Variants in UBE3C observed in about 807,000 individuals in gnomAD.
The protein encoded by UBE3C is ubiquitin protein ligase E3C.
Under a neutral mutation model 129.4 loss-of-function variants are expected in UBE3C, and 42 were observed. That is an observed-to-expected ratio of 0.32 (90% CI 0.25 to 0.42). The LOEUF is 0.42. Ranked by LOEUF, UBE3C falls within the 10% of genes least tolerant of loss-of-function variation. The pLI is 1.00. For synonymous variants in UBE3C, 510 were observed against 492.4 expected (o/e 1.04, Z -0.47); for missense variants, 1,049 against 1,319.1 (o/e 0.80, Z 3.17).
At chr7:157,187,815 A>T (rs1326108779) in intron 10 of UBE3C, among the ~76,000 whole-genome samples, 1 of 151,980 alleles carries the variant, frequency 6.6e-6, no homozygotes, top group African/African-American at 2.4e-5. Flanking sequence ...TGACCTTGTG[A>T]TCCGCCTGCC....
At chr7:157,258,835 A>G (rs1796825234) in intron 22 of UBE3C, among the ~76,000 whole-genome samples, 1 of 152,210 alleles carries the variant, frequency 6.6e-6, no homozygotes, top group Non-Finnish European at 1.5e-5. Flanking sequence ...AAATGTATAG[A>G]AAAGTTGTGA....
chr7:157,256,836 T>C (rs1182373), intron 21 of UBE3C, 78 bp from the exon 22 acceptor site: 9 of 1,584,084 alleles, frequency 5.7e-6, no homozygotes, highest in Non-Finnish European at 7.7e-6. Context: ...TTTCCGTGGG[T>C]GTCTGGACCA....
intron 11 of UBE3C, among the ~76,000 whole-genome samples, chr7:157,206,391 T>C (rs886291381): frequency 6.6e-6 from 1 of 152,036 alleles, no homozygotes; most frequent in African/African-American, 2.4e-5. Flanking sequence ...GCCTCCCAAG[T>C]AGCTGGGATT....
rs556847111 is a variant in UBE3C, at chr7:157,192,286, G to T, written c.1331+5265G>T. The T allele has an allele frequency of 2.1e-3, 849 of 410,740 alleles. 3 individuals are homozygous for T. The highest frequency in any genetic ancestry group is 2.6e-3 in the Non-Finnish European group (575 of 220,620). 25.4% of individuals were successfully genotyped at this position (410,740 alleles called of 1,614,324 possible). On this transcript the variant is annotated intron_variant, in intron 10 of 22. Coordinates refer to ENST00000348165, the MANE Select transcript of UBE3C (RefSeq NM_014671.3). ...TCTAAATCCCTACCACGTTTTTAAA[G>T]TTTTCTTTTAAGCTTGTTAAGAAAT...
At position 157,209,962 on chromosome 7, in the gene UBE3C, C is replaced by T. The variant is rs375669997; in HGVS notation, c.1809+2027C>T. 5.9e-5 allele frequency among the ~76,000 whole-genome samples: 9 copies of T among 152,288 alleles called. No individual in the cohort carries two copies. In the East Asian group the frequency reaches 7.7e-4, roughly 13 times the overall value. On this transcript the variant is annotated intron_variant, in intron 13 of 22. Transcript: ENST00000348165. ...TTGGGAGGCCAAGGCGGGTGGATCACGAGGTCAGGAGTTTGAGACCAGCCT... is the reference window on the plus strand; with the variant it reads ...TTGGGAGGCCAAGGCGGGTGGATCATGAGGTCAGGAGTTTGAGACCAGCCT...
At chr7:157,259,619 G>A (rs1337878106) in intron 22 of UBE3C, among the ~76,000 whole-genome samples, 1 of 152,182 alleles carries the variant, frequency 6.6e-6, no homozygotes, top group Non-Finnish European at 1.5e-5. Flanking sequence ...AACGAAGCAA[G>A]ACACAAGACT....
chr7:157,151,161 G>A (rs1373949675), intron 1 of UBE3C, among the ~76,000 whole-genome samples: 3 of 152,358 alleles, frequency 2.0e-5, no homozygotes, highest in Non-Finnish European at 4.4e-5. Flanking sequence ...CAAAGCGTCT[G>A]TGGACATAAT....
At chr7:157,190,895 C>T (rs567932699) in intron 10 of UBE3C, among the ~76,000 whole-genome samples, 1 of 152,168 alleles carries the variant, frequency 6.6e-6, no homozygotes, top group Admixed American at 6.5e-5. Flanking sequence ...TTTATGCCTC[C>T]ATGGTGTTTC....
At chr7:157,217,948 T>C (rs568785122) in intron 14 of UBE3C, among the ~76,000 whole-genome samples, 1 of 151,956 alleles carries the variant, frequency 6.6e-6, no homozygotes, top group Non-Finnish European at 1.5e-5. Context: ...CCTTGTGCCC[T>C]GGAGGCGGAG....
intron 1 of UBE3C, among the ~76,000 whole-genome samples, chr7:157,146,971 G>A (rs1807622800): frequency 6.6e-6 from 1 of 152,162 alleles, no homozygotes; most frequent in African/African-American, 2.4e-5. Context: ...TTGAAGTCTG[G>A]TAGTGTGAGT....
intron 4 of UBE3C, among the ~76,000 whole-genome samples, chr7:157,172,600 G>GA (rs1808407497): frequency 6.6e-6 from 1 of 152,182 alleles, no homozygotes; most frequent in Admixed American, 6.5e-5. Context: ...AACGTGCAGA[G>GA]AAGGAACTGA....
rs529641720 is a variant in UBE3C, at chr7:157,179,546, C to T, written c.616+699C>T. The stretch of plus-strand genomic sequence containing the variant: ...ATGAAGTGAGCAGTATAAATCCTAA[C>T]ACAAAAGAACCTTTGGTCTCGACAT... On this transcript the variant is annotated intron_variant, in intron 6 of 22. Transcript: ENST00000348165. Among the ~76,000 whole-genome samples the T allele has an allele frequency of 1.8e-4, 27 of 152,252 alleles. 1 individual carries two copies. The South Asian group carries it at 5.6e-3, about 32-fold the overall frequency.
At chr7:157,164,319 GC>G in intron 2 of UBE3C, 1 of 455,676 alleles carries the variant, frequency 2.2e-6, no homozygotes, top group Non-Finnish European at 4.4e-6. Context: ...ACCATGCCCA[GC>G]TAATTTTTAA....
chr7:157,258,529 C>T (rs1796816247), intron 22 of UBE3C, among the ~76,000 whole-genome samples: 1 of 152,140 alleles, frequency 6.6e-6, no homozygotes, highest in Non-Finnish European at 1.5e-5. Flanking sequence ...GCGTGATTTC[C>T]GCTCACTGCA....
Position 157,207,550 on chromosome 7 carries a change from T to G in UBE3C, c.1571T>G (p.Ile524Arg). 6.2e-7 allele frequency: 1 copy of G among 1,611,156 alleles called. No individual in the cohort carries two copies. The highest frequency in any genetic ancestry group is 8.5e-7 in the Non-Finnish European group (1 of 1,179,422). ...GATAACGAATTCTTCGGTGATCCCA[T>G]AGAAGGTAAGGATTTTGAGAAACCA... ...IHDNEFFGDP[I>R]EVVGQRQSSM... is the part of the protein sequence containing the mutation. Residue 524 changes from isoleucine to arginine, a missense_variant, in exon 12 of 23, where the codon ATA becomes AGA. Ile to Arg is a moderately conservative substitution (Grantham distance 97, BLOSUM62 -3). Transcript: ENST00000348165.
chr7:157,186,542 T>TAA (rs34431702), intron 9 of UBE3C, among the ~76,000 whole-genome samples: 1 of 146,832 alleles, frequency 6.8e-6, no homozygotes, highest in Non-Finnish European at 1.5e-5. Context: ...CAGCTTGATG[T>TAA]AAAAAAAAAA....
intron 1 of UBE3C, among the ~76,000 whole-genome samples, chr7:157,143,949 A>AGAGT (rs1255659949): frequency 1.3e-5 from 2 of 152,070 alleles, no homozygotes; most frequent in Non-Finnish European, 2.9e-5. Context: ...GGAGTGGAGG[A>AGAGT]GAGTGGTGTC....
At position 157,191,480 on chromosome 7, in the gene UBE3C, G is replaced by A. The variant is rs1808965320; in HGVS notation, c.1331+4459G>A. Among the ~76,000 whole-genome samples the A allele has an allele frequency of 5.3e-5, 8 of 152,248 alleles. No individual in the cohort carries two copies. The South Asian group carries it at 1.2e-3, about 24-fold the overall frequency. On this transcript the variant is annotated intron_variant, in intron 10 of 22. Coordinates refer to ENST00000348165, the MANE Select transcript of UBE3C (RefSeq NM_014671.3). Reference sequence around the variant, plus strand: ...AATTTTTTGTAATTTTTGTAGAAACGGGGTTTTGCCATGTTGCCTAGGCTG... The same window carrying A: ...AATTTTTTGTAATTTTTGTAGAAACAGGGTTTTGCCATGTTGCCTAGGCTG...
At chr7:157,144,224 A>C (rs1031105659) in intron 1 of UBE3C, among the ~76,000 whole-genome samples, 1 of 152,140 alleles carries the variant, frequency 6.6e-6, no homozygotes, top group Non-Finnish European at 1.5e-5. Context: ...GGATCCCGGG[A>C]GTTCAAGGCT....
Sources: gnomAD v4.1 joint callset for allele counts (sites outside exome capture counted in the v4.1 genomes callset) on GRCh38, gnomAD v4.1.1 for gene constraint, MANE v1.5 for transcripts, NCBI Gene and HGNC (gene_info 2026-07-23, HGNC 2026-07-21) for gene names.